Variants in NOC2L observed in about 807,000 individuals in gnomAD.
NOC2L encodes nucleolar complex protein 2 homolog.
NOC2L carries 101 observed loss-of-function variants against 94.2 expected under a neutral mutation model. That is an observed-to-expected ratio of 1.07 (90% CI 0.91 to 1.26). The LOEUF (loss-of-function observed/expected upper bound fraction) is 1.26. Ranked by LOEUF, NOC2L falls within the 50% of genes most tolerant of loss-of-function variation. The pLI, the probability that NOC2L is intolerant of heterozygous loss-of-function variation, is 0.00. For synonymous variants in NOC2L, 531 were observed against 413.4 expected (o/e 1.28, Z -3.45); for missense variants, 1,076 against 980.1 (o/e 1.10, Z -1.31).
chr1:952,683 G>A, intron 9 of NOC2L, 83 bp from the exon 10 acceptor site: 4 of 1,390,016 alleles, frequency 2.9e-6, no homozygotes, highest in Non-Finnish European at 3.1e-6. Flanking sequence ...GTGAACACCT[G>A]GGCCTTTCCC....
intron 12 of NOC2L, among the ~76,000 whole-genome samples, chr1:950,578 C>G (rs1485959112): frequency 3.3e-5 from 5 of 152,214 alleles, no homozygotes; most frequent in Non-Finnish European, 5.9e-5. Context: ...TACACACGCA[C>G]AGATGCACAC....
At position 945,156 on chromosome 1, in the gene NOC2L, A is replaced by G. The variant is rs764959841; in HGVS notation, c.2054-10T>C. 1 of 1,592,182 alleles carries G rather than the reference A, an allele frequency of 6.3e-7. No individual in the cohort carries two copies. Among genetic ancestry groups the G allele is most frequent in the South Asian group, 1.1e-5 (1 of 88,474 alleles). On this transcript the variant is annotated splice_polypyrimidine_tract_variant and intron_variant, in intron 17 of 18. Coordinates refer to ENST00000327044, the MANE Select transcript of NOC2L (RefSeq NM_015658.4). ...AGGGGCCTCAGTATCCCTGAGGAACAAGAAGCAGAGTCCATATGACTCCCA... is the reference window on the plus strand; with the variant it reads ...AGGGGCCTCAGTATCCCTGAGGAACGAGAAGCAGAGTCCATATGACTCCCA...
At chr1:953,354 A>ACAGCCCTC in intron 8 of NOC2L, 66 bp from the exon 9 acceptor site, 1 of 956,004 alleles carries the variant, frequency 1.0e-6, no homozygotes. Context: ...CAGGGCCAGC[A>ACAGCCCTC]CAGCCCTCCC....
At chr1:956,863 A>G (rs1243527705) in intron 4 of NOC2L, 31 bp downstream of exon 4, 1 of 1,611,890 alleles carries the variant, frequency 6.2e-7, no homozygotes, top group Non-Finnish European at 8.5e-7. Flanking sequence ...CTGCCTGGGC[A>G]CCCAGCTGCC....
chr1:945,049 C>G lies in NOC2L; in HGVS notation c.2143+8G>C. The stretch of plus-strand genomic sequence containing the variant: ...AGGGCCACACCCTCTCACCCCAAGA[C>G]CATTCACCCTCCGAGTTGCTGCTGT... On this transcript the variant is annotated splice_region_variant and intron_variant, in intron 18 of 18. Coordinates refer to ENST00000327044, the MANE Select transcript of NOC2L (RefSeq NM_015658.4). The G allele has an allele frequency of 4.3e-6, 7 of 1,614,154 alleles. No individual in the cohort carries two copies. The highest frequency in any genetic ancestry group is 5.9e-6 in the Non-Finnish European group (7 of 1,179,984).
intron 4 of NOC2L, among the ~76,000 whole-genome samples, 197 bp downstream of exon 4, chr1:956,697 G>A (rs954319084): frequency 6.6e-5 from 10 of 152,218 alleles, no homozygotes; most frequent in African/African-American, 4.8e-5. Context: ...TGTCACTTGC[G>A]CTGAAGAAGG....
In NOC2L at chr1:946,171, A is replaced by C. The variant is rs762735488; in HGVS notation, c.1917+2T>G. The C allele has an allele frequency of 4.4e-6, 7 of 1,606,494 alleles. No homozygotes were observed. Among genetic ancestry groups the C allele is most frequent in the Admixed American group, 3.4e-5 (2 of 59,688 alleles). On this transcript the variant is annotated splice_donor_variant, in intron 16 of 18. Coordinates refer to ENST00000327044, the MANE Select transcript of NOC2L (RefSeq NM_015658.4). LOFTEE classifies it high-confidence loss of function. Reference sequence around the variant, plus strand: ...CCCCCAGGTCCCCTCGCCGAGCCGCACCCGCTCTTTGCCACTGATCTCCAG... The same window carrying C: ...CCCCCAGGTCCCCTCGCCGAGCCGCCCCCGCTCTTTGCCACTGATCTCCAG...
At chr1:947,993 G>A (rs930533890) in intron 14 of NOC2L, 138 bp downstream of exon 14, 12 of 681,498 alleles carry the variant, frequency 1.8e-5, no homozygotes, top group South Asian at 8.9e-5. Flanking sequence ...GGGGCCTCAC[G>A]GGGCGCGTTG....
chr1:957,458 A>G (rs1642442509), intron 2 of NOC2L, 185 bp from the exon 3 acceptor site: 1 of 603,764 alleles, frequency 1.7e-6, no homozygotes, highest in Non-Finnish European at 2.9e-6. Flanking sequence ...CCTCAAACAC[A>G]CTACACAGGC....
chr1:946,423 G>A lies in NOC2L; in HGVS notation c.1782C>T (p.Gly594=), dbSNP rs746715312. 7 of 1,613,522 alleles carry A rather than the reference G, an allele frequency of 4.3e-6. No homozygotes were observed. The highest frequency in any genetic ancestry group is 3.3e-5 in the South Asian group (3 of 91,080). The change falls in exon 15 of 19, where the codon GGC becomes GGT. Residue 594 remains glycine (G), a synonymous_variant. Coordinates refer to ENST00000327044, the MANE Select transcript of NOC2L (RefSeq NM_015658.4). ...ICSRRQRVSF[G]VSEQQAVEAW... ...TAACCACTGCCTGCTGCTCAGAGAC[G>A]CCGAAGGAAACCCTCTGGCGGCGGC...
intron 2 of NOC2L, 128 bp from the exon 3 acceptor site, chr1:957,401 G>C (rs1257853747): frequency 1.1e-6 from 1 of 887,018 alleles, no homozygotes; most frequent in Non-Finnish European, 1.7e-6. Context: ...CAGGAGGTAC[G>C]TTTTTGGCAG....
Position 944,204 on chromosome 1 carries a change from C to G in NOC2L, c.*490G>C, listed in dbSNP as rs933774432. 1.3e-6 allele frequency: 2 copies of G among 1,497,644 alleles called. No homozygotes were observed. Among genetic ancestry groups the G allele is most frequent in the South Asian group, 1.4e-5 (1 of 70,364 alleles). 92.8% of individuals were successfully genotyped at this position (1,497,644 alleles called of 1,614,324 possible). A position where few individuals can be genotyped will look rare whatever the true frequency, so the allele number is the denominator to read the frequency against. ...ACACAAATCTCCAGGAGCCACCACT[C>G]AACACAATGGCCCTGCCTCCCACCG... On this transcript the variant is annotated 3_prime_UTR_variant, in exon 19 of 19. Transcript: ENST00000327044.
At chr1:948,446 A>C (rs759079420) in intron 13 of NOC2L, 44 bp downstream of exon 13, 1 of 1,428,926 alleles carries the variant, frequency 7.0e-7, no homozygotes, top group Non-Finnish European at 9.8e-7. Context: ...CCCCAACCCC[A>C]CCCTGGGAAC....
Position 945,048 on chromosome 1 carries a change from A to G in NOC2L, c.2143+9T>C. On this transcript the variant is annotated intron_variant, in intron 18 of 18. Transcript: ENST00000327044. ...CAGGGCCACACCCTCTCACCCCAAG[A>G]CCATTCACCCTCCGAGTTGCTGCTG... The G allele has an allele frequency of 6.2e-7, 1 of 1,613,866 alleles. No individual in the cohort carries two copies. The highest frequency in any genetic ancestry group is 8.5e-7 in the Non-Finnish European group (1 of 1,179,892).
chr1:957,573 C>G (rs1642447608), intron 2 of NOC2L: 1 of 371,926 alleles, frequency 2.7e-6, no homozygotes, highest in Non-Finnish European at 5.0e-6. Context: ...CCCTGCGCTA[C>G]TTTTGCCTGA....
chr1:948,993 G>C (rs183935098), intron 12 of NOC2L, among the ~76,000 whole-genome samples: 2 of 152,068 alleles, frequency 1.3e-5, no homozygotes, highest in Admixed American at 1.3e-4. Context: ...CTGGCCCTCA[G>C]CACAGCAATG....
chr1:953,085 G>A (rs1642301566), intron 9 of NOC2L, 90 bp downstream of exon 9: 2 of 854,896 alleles, frequency 2.3e-6, no homozygotes, highest in Non-Finnish European at 3.9e-6. Flanking sequence ...TCCAGTGAGG[G>A]GCACCAACCA....
At chr1:950,074 ATACACACAGG>A (rs748102940) in intron 12 of NOC2L, among the ~76,000 whole-genome samples, 61 of 152,356 alleles carry the variant, frequency 4.0e-4, no homozygotes, top group Non-Finnish European at 8.1e-4. Flanking sequence ...GCAAAGATGC[ATACACACAGG>A]TACACACAGG....
chr1:954,737 G>C (rs1333003978), intron 6 of NOC2L, among the ~76,000 whole-genome samples: 1 of 151,590 alleles, frequency 6.6e-6, no homozygotes, highest in Non-Finnish European at 1.5e-5. Context: ...TAAGGTGAGA[G>C]AATCACTTGA....
Sources: allele counts gnomAD v4.1 joint callset (sites outside exome capture counted in the v4.1 genomes callset), GRCh38; gene constraint gnomAD v4.1.1; transcripts MANE v1.5; gene names NCBI Gene and HGNC (gene_info 2026-07-23, HGNC 2026-07-21).